TACC1: variants seen among roughly 807,000 people sequenced by gnomAD.
TACC1 encodes the protein transforming acidic coiled-coil-containing protein 1.
In TACC1, 48 loss-of-function variants were observed where a neutral mutation model predicts 84.4. The observed-to-expected ratio is 0.57, with a 90% confidence interval of 0.45 to 0.72. The LOEUF is 0.72. TACC1 is among the 30% of genes least tolerant of loss of function. The pLI, the probability that TACC1 is intolerant of heterozygous loss-of-function variation, is 0.00. For missense variants in TACC1, 920 were observed against 973.0 expected (o/e 0.95, Z 0.72); for synonymous variants, 372 against 376.3 (o/e 0.99, Z 0.13).
intron 3 of TACC1, among the ~76,000 whole-genome samples, chr8:38,778,123 G>T (rs1164619319): frequency 6.6e-6 from 1 of 152,178 alleles, no homozygotes; most frequent in Non-Finnish European, 1.5e-5. Context: ...GTGTGTGCAT[G>T]TGTGTAGAGA....
In TACC1 at chr8:38,787,651, C is replaced by G; in HGVS notation, c.69C>G (p.Arg23=). Residue 23 remains arginine (R), a synonymous_variant, in exon 1 of 13, where the codon CGC becomes CGG. Transcript: ENST00000317827. ...QWAKWTWSAV[R]GGAAGEDEAG... ...CGAAATGGACGTGGTCTGCGGTACG[C>G]GGCGGGGCCGCCGGCGAGGACGAGG... The G allele has an allele frequency of 1.3e-6, 2 of 1,549,784 alleles. No individual in the cohort carries two copies. Among genetic ancestry groups the G allele is most frequent in the Non-Finnish European group, 1.7e-6 (2 of 1,148,262 alleles).
chr8:38,820,081 A>C lies in TACC1; in HGVS notation c.837A>C (p.Leu279=), dbSNP rs1366650318. 6.2e-7 allele frequency: 1 copy of C among 1,614,178 alleles called. No individual in the cohort carries two copies. The highest frequency in any genetic ancestry group is 1.1e-5 in the South Asian group (1 of 91,088). The change falls in exon 3 of 13, where the codon CTA becomes CTC. Residue 279 remains leucine, a synonymous_variant. Transcript: ENST00000317827. The part of the protein sequence containing the change: ...EELDENTSPL[L]GDARFQKSPP... ...TGGATGAGAACACAAGTCCTTTGCT[A>C]GGAGATGCCAGGTTCCAGAAGTCTC... is the stretch of plus-strand genomic sequence containing the variant.
At chr8:38,843,475 G>T (rs933941567) in intron 11 of TACC1, 80 bp downstream of exon 11, 5 of 967,188 alleles carry the variant, frequency 5.2e-6, no homozygotes, top group Non-Finnish European at 7.7e-6. Context: ...TCACTGTTTC[G>T]CAACTCCAGG....
chr8:38,809,814 T>C (rs1823651004), intron 2 of TACC1, among the ~76,000 whole-genome samples: 1 of 152,058 alleles, frequency 6.6e-6, no homozygotes, highest in South Asian at 2.1e-4. Context: ...GACAGCTGAG[T>C]GTTGGTAGCG....
chr8:38,831,066 A>T (rs367738125), intron 5 of TACC1, 59 bp from the exon 6 acceptor site: 1 of 1,525,354 alleles, frequency 6.6e-7, no homozygotes, highest in Non-Finnish European at 9.1e-7. Flanking sequence ...AGAGCCTTTC[A>T]CTAGGGAGGA....
At position 38,831,162 on chromosome 8, in the gene TACC1, C is replaced by T. The variant is rs761490321; in HGVS notation, c.1698C>T (p.Asp566=). The T allele has an allele frequency of 5.0e-6, 8 of 1,614,162 alleles. No homozygotes were observed. Among genetic ancestry groups the T allele is most frequent in the East Asian group, 2.2e-5 (1 of 44,890 alleles). Residue 566 remains aspartate, a synonymous_variant, in exon 6 of 13, where the codon GAC becomes GAT. Coordinates refer to ENST00000317827, the MANE Select transcript of TACC1 (RefSeq NM_006283.3). ...EKETCQKMEE[D]GSTVLGLLES... ...AGACGTGCCAGAAGATGGAAGAAGA[C>T]GGGTCCACTGTGCTTGTAAGTTCCT...
intron 6 of TACC1, among the ~76,000 whole-genome samples, chr8:38,834,758 A>G (rs1024585085): frequency 2.0e-5 from 3 of 152,348 alleles, no homozygotes; most frequent in Middle Eastern, 3.4e-3. Context: ...GGGTAAAACT[A>G]TAATGACTCT....
chr8:38,800,289 T>C (rs112539189), intron 2 of TACC1, among the ~76,000 whole-genome samples: 1 of 152,256 alleles, frequency 6.6e-6, no homozygotes, highest in Non-Finnish European at 1.5e-5. Context: ...CAATTCACCA[T>C]TTAAAAGCTT....
intron 3 of TACC1, among the ~76,000 whole-genome samples, chr8:38,749,446 C>T: frequency 6.6e-6 from 1 of 152,082 alleles, no homozygotes. Flanking sequence ...ATGAAGACAT[C>T]TTAAGAAAAA....
intron 3 of TACC1, among the ~76,000 whole-genome samples, chr8:38,823,650 CT>C (rs1163595521): frequency 2.0e-5 from 3 of 152,062 alleles, no homozygotes; most frequent in Non-Finnish European, 2.9e-5. Flanking sequence ...CTTAATAGGG[CT>C]TTTTTTAAGG....
rs367846204 is a variant in TACC1, at chr8:38,819,688, C to T, written c.444C>T (p.Ile148=). The stretch of plus-strand genomic sequence containing the variant: ...AACATGATTTTAGCAAAATTTCCAT[C>T]GTGAGGCCATTTTCAATAGAAACGA... The part of the protein sequence containing the change: ...EPEHDFSKIS[I]VRPFSIETKD... The change falls in exon 3 of 13, where the codon ATC becomes ATT. Residue 148 remains isoleucine, a synonymous_variant. Coordinates refer to ENST00000317827, the MANE Select transcript of TACC1 (RefSeq NM_006283.3). 13 of 1,614,064 alleles carry T rather than the reference C, an allele frequency of 8.1e-6. No homozygotes were observed. Among genetic ancestry groups the T allele is most frequent in the African/African-American group, 4.0e-5 (3 of 74,924 alleles).
At chr8:38,745,998 G>C (rs1459871280) in intron 3 of TACC1, among the ~76,000 whole-genome samples, 1 of 152,008 alleles carries the variant, frequency 6.6e-6, no homozygotes. Context: ...AATATTTTTT[G>C]TAGACATGGG....
intron 1 of TACC1, among the ~76,000 whole-genome samples, chr8:38,730,275 A>G (rs1337374920): frequency 6.6e-6 from 1 of 152,240 alleles, no homozygotes; most frequent in Non-Finnish European, 1.5e-5. Context: ...TCAGCGAGCC[A>G]GCTGTTCCAT....
chr8:38,845,792 C>T (rs186625940), intron 11 of TACC1, among the ~76,000 whole-genome samples: 5 of 152,330 alleles, frequency 3.3e-5, no homozygotes, highest in Admixed American at 6.5e-5. Flanking sequence ...CACAAGGCAG[C>T]GCCAGTTTTC....
chr8:38,762,645 C>T (rs1176441138), intron 3 of TACC1, among the ~76,000 whole-genome samples: 1 of 151,980 alleles, frequency 6.6e-6, no homozygotes, highest in African/African-American at 2.4e-5. Context: ...CAACCTCCAC[C>T]TCCCAAATTC....
chr8:38,820,043 A>G lies in TACC1; in HGVS notation c.799A>G (p.Ser267Gly), dbSNP rs748824759. The G allele has an allele frequency of 6.2e-7, 1 of 1,614,124 alleles. No homozygotes were observed. The highest frequency in any genetic ancestry group is 1.3e-5 in the African/African-American group (1 of 75,056). ...TCTCCCCAAGGCATCCTATCACTTC[A>G]GTCCTGAAGAGTTGGATGAGAACAC... is the stretch of plus-strand genomic sequence containing the variant. ...TPLPKASYHF[S>G]PEELDENTSP... Residue 267 changes from serine (S) to glycine (G), a missense_variant, in exon 3 of 13, where the codon AGT becomes GGT. Ser to Gly is a moderately conservative substitution (Grantham distance 56). Around this residue, in one of 2 missense-constraint regions of TACC1, gnomAD observed 762 missense variants for 747.3 expected, o/e 1.02. Transcript: ENST00000317827.
In TACC1 at chr8:38,790,916, T is replaced by C. The variant is rs554035263; in HGVS notation, c.277+2097T>C. Among the ~76,000 whole-genome samples, 23 of 152,338 alleles carry C rather than the reference T, an allele frequency of 1.5e-4. No individual in the cohort carries two copies. The South Asian group carries it at 4.8e-3, about 32-fold the overall frequency. ...TGTGCGACGCATAGCTGTGTAGCAC[T>C]CTCAGTGATGAAGATAACACTTATT... On this transcript the variant is annotated intron_variant, in intron 2 of 12. Coordinates refer to ENST00000317827, the MANE Select transcript of TACC1 (RefSeq NM_006283.3).
At chr8:38,734,128 C>T (rs1319600843) in intron 1 of TACC1, among the ~76,000 whole-genome samples, 2 of 152,172 alleles carry the variant, frequency 1.3e-5, no homozygotes, top group African/African-American at 4.8e-5. Context: ...TCCACATCTT[C>T]TGCACTTTCA....
At chr8:38,770,231 T>C (rs1044260898) in intron 3 of TACC1, among the ~76,000 whole-genome samples, 1 of 152,078 alleles carries the variant, frequency 6.6e-6, no homozygotes, top group East Asian at 1.9e-4. Context: ...GGTGTCACTA[T>C]AGCTGACAGT....
Sources: gnomAD v4.1 joint callset for allele counts (sites outside exome capture counted in the v4.1 genomes callset) on GRCh38, gnomAD v4.1.1 for gene constraint, gnomAD v4.1.1 regional missense constraint, MANE v1.5 for transcripts, NCBI Gene and HGNC (gene_info 2026-07-23, HGNC 2026-07-21) for gene names.